Variants in MAP3K2 observed in about 807,000 individuals in gnomAD.
The protein encoded by MAP3K2 is mitogen-activated protein kinase kinase kinase 2, also known as MAP/ERK kinase kinase 2.
MAP3K2 carries 24 observed loss-of-function variants against 80.3 expected under a neutral mutation model. The ratio of observed to expected loss-of-function variants is 0.30; its 90% CI spans 0.22 to 0.42. The LOEUF is 0.42. Among genes scored for constraint, MAP3K2 ranks in the 10% least tolerant of loss-of-function variants. MAP3K2 has a pLI of 1.00. For synonymous variants in MAP3K2, 244 were observed against 253.7 expected (o/e 0.96, Z 0.36); for missense variants, 608 against 750.1 (o/e 0.81, Z 2.21).
intron 1 of MAP3K2, among the ~76,000 whole-genome samples, chr2:127,385,285 T>G (rs929064331): frequency 2.6e-5 from 4 of 152,294 alleles, no homozygotes. Context: ...CAACCATCCT[T>G]ACTAGTCAGC....
At chr2:127,335,770 T>C in intron 5 of MAP3K2, 100 bp downstream of exon 5, 1 of 600,516 alleles carries the variant, frequency 1.7e-6, no homozygotes, top group Non-Finnish European at 2.9e-6. Context: ...CATATATTTA[T>C]CAATCCCTAA....
Position 127,325,431 on chromosome 2 carries a change from C to T in MAP3K2, c.677+297G>A, listed in dbSNP as rs373299949. On this transcript the variant is annotated intron_variant, in intron 9 of 16. Transcript: ENST00000682094. ...TGGTGGCTCATGTGTGTAATCCCAG[C>T]GCTTTAGGAGACCAAGGCAGGAGGT... is the stretch of plus-strand genomic sequence containing the variant. Among the ~76,000 whole-genome samples the T allele has an allele frequency of 2.1e-4, 32 of 152,140 alleles. 1 individual carries two copies. The highest frequency in any genetic ancestry group is 7.5e-4 in the African/African-American group (31 of 41,422).
chr2:127,343,256 A>C lies in MAP3K2; in HGVS notation c.-65-62T>G, dbSNP rs556923417. The C allele has an allele frequency of 7.9e-4, 465 of 587,364 alleles. 3 individuals carry two copies. Among genetic ancestry groups the C allele is most frequent in the African/African-American group, 7.7e-3 (406 of 52,412 alleles). The allele number at this position is 587,364 out of a possible 1,614,324, so 36.4% of individuals were successfully genotyped here. A position where few individuals can be genotyped will look rare whatever the true frequency, so the allele number is the denominator to read the frequency against. On this transcript the variant is annotated intron_variant, in intron 1 of 16. Transcript: ENST00000682094. ...GAAACAGAAAAGGAGCCAGGAAAAG[A>C]AAAAAAAAAGTCAGTTTAAATAATA...
intron 4 of MAP3K2, among the ~76,000 whole-genome samples, chr2:127,336,417 T>C (rs1223217408): frequency 6.6e-6 from 1 of 152,340 alleles, no homozygotes; most frequent in Non-Finnish European, 1.5e-5. Flanking sequence ...ACATATATCA[T>C]GTAGGCATAC....
At chr2:127,329,522 A>G (rs3958415) in intron 7 of MAP3K2, among the ~76,000 whole-genome samples, 36,739 of 151,940 alleles carry the variant, frequency 0.24, 4,666 homozygotes, top group Middle Eastern at 0.3. Context: ...ACGCCCAGCT[A>G]ATTTTTGTAA....
chr2:127,331,708 T>C (rs1382570847), intron 5 of MAP3K2, among the ~76,000 whole-genome samples: 1 of 152,196 alleles, frequency 6.6e-6, no homozygotes, highest in Non-Finnish European at 1.5e-5. Flanking sequence ...TGGTTTCAAG[T>C]GATTCTCCTG....
intron 14 of MAP3K2, among the ~76,000 whole-genome samples, chr2:127,316,430 A>C (rs1685906500): frequency 6.6e-6 from 1 of 152,226 alleles, no homozygotes; most frequent in African/African-American, 2.4e-5. Flanking sequence ...TAAACATATT[A>C]ATCACCACCT....
At chr2:127,341,836 G>C (rs1234338423) in intron 2 of MAP3K2, among the ~76,000 whole-genome samples, 1 of 151,942 alleles carries the variant, frequency 6.6e-6, no homozygotes, top group Non-Finnish European at 1.5e-5. Context: ...CCGGCCCAAT[G>C]GGTTTCTGAC....
rs1436964733 is a variant in MAP3K2, at chr2:127,305,499, G to C, written c.*2080C>G. On this transcript the variant is annotated 3_prime_UTR_variant, in exon 17 of 17. Coordinates refer to ENST00000682094, the MANE Select transcript of MAP3K2 (RefSeq NM_001371910.2). ...AATTTCAAATATTCCTACAGGGAATGCTAGGTAGGACCTTGGCACAGTAAA... is the reference window on the plus strand; with the variant it reads ...AATTTCAAATATTCCTACAGGGAATCCTAGGTAGGACCTTGGCACAGTAAA... 6.6e-6 allele frequency: 1 copy of C among 152,066 alleles called. No homozygotes were observed. The highest frequency in any genetic ancestry group is 2.4e-5 in the African/African-American group (1 of 41,410). 9.4% of individuals were successfully genotyped at this position (152,066 alleles called of 1,614,324 possible).
At chr2:127,375,214 C>T (rs1006636916) in intron 1 of MAP3K2, among the ~76,000 whole-genome samples, 2 of 151,960 alleles carry the variant, frequency 1.3e-5, no homozygotes, top group African/African-American at 4.8e-5. Flanking sequence ...GGCTAGGACC[C>T]AACCCAGTAC....
chr2:127,357,958 A>T (rs954392202), intron 1 of MAP3K2, among the ~76,000 whole-genome samples: 7 of 152,222 alleles, frequency 4.6e-5, no homozygotes, highest in African/African-American at 7.2e-5. Context: ...ACATATCTTA[A>T]AAGAAAAAAA....
At position 127,305,261 on chromosome 2, in the gene MAP3K2, C is replaced by A. The variant is rs1685674704; in HGVS notation, c.*2318G>T. 1.3e-5 allele frequency: 2 copies of A among 152,458 alleles called. No individual in the cohort carries two copies. The highest frequency in any genetic ancestry group is 1.3e-4 in the Admixed American group (2 of 15,240). 9.4% of individuals were successfully genotyped at this position (152,458 alleles called of 1,614,324 possible). A position where few individuals can be genotyped will look rare whatever the true frequency, so the allele number is the denominator to read the frequency against. On this transcript the variant is annotated 3_prime_UTR_variant, in exon 17 of 17. Coordinates refer to ENST00000682094, the MANE Select transcript of MAP3K2 (RefSeq NM_001371910.2). Reference sequence around the variant, plus strand: ...ACTGGTCAAGGACCATGATCTTGCTCAAGTAGAAAAGATGCCCTCATTCAT... The same window carrying A: ...ACTGGTCAAGGACCATGATCTTGCTAAAGTAGAAAAGATGCCCTCATTCAT...
intron 1 of MAP3K2, among the ~76,000 whole-genome samples, chr2:127,344,486 A>C (rs372374663): frequency 1.8e-5 from 1 of 55,874 alleles, no homozygotes; most frequent in Non-Finnish European, 3.6e-5. Flanking sequence ...TCCCATTTCC[A>C]CCAAAAAAAA....
chr2:127,388,181 C>T (rs1418806871), upstream of MAP3K2: 1 of 984,860 alleles, frequency 1.0e-6, no homozygotes. Flanking sequence ...CCGCCCCGGC[C>T]TCGGCCCCGC....
rs376047529 is a variant in MAP3K2 at position 127,308,570 on chromosome 2, C to T, written c.1634+15G>A. On this transcript the variant is annotated intron_variant, in intron 16 of 16. Transcript: ENST00000682094. Reference sequence around the variant, plus strand: ...CGGCAGGTGGTTTTCAAGCAAACTTCGTATCAAAACCTACCAGATGTCTGC... The same window carrying T: ...CGGCAGGTGGTTTTCAAGCAAACTTTGTATCAAAACCTACCAGATGTCTGC... 53 of 1,530,168 alleles carry T rather than the reference C, an allele frequency of 3.5e-5. No individual in the cohort carries two copies. Among genetic ancestry groups the T allele is most frequent in the South Asian group, 7.6e-5 (6 of 78,668 alleles). The allele number at this position is 1,530,168 out of a possible 1,614,324, so 94.8% of individuals were successfully genotyped here. A position where few individuals can be genotyped will look rare whatever the true frequency, so the allele number is the denominator to read the frequency against.
chr2:127,319,069 T>C (rs1685962128), intron 12 of MAP3K2, among the ~76,000 whole-genome samples: 1 of 152,028 alleles, frequency 6.6e-6, no homozygotes, highest in Non-Finnish European at 1.5e-5. Flanking sequence ...CCCTTGGTGG[T>C]CAAGGCCTGG....
At chr2:127,338,294 G>A (rs1686410866) in intron 3 of MAP3K2, among the ~76,000 whole-genome samples, 2 of 152,162 alleles carry the variant, frequency 1.3e-5, no homozygotes, top group Non-Finnish European at 2.9e-5. Flanking sequence ...AACGTTGGCT[G>A]CAGAATGCTA....
At chr2:127,335,154 T>A (rs1558980191) in intron 5 of MAP3K2, among the ~76,000 whole-genome samples, 1 of 152,210 alleles carries the variant, frequency 6.6e-6, no homozygotes, top group African/African-American at 2.4e-5. Context: ...CTATAAGGTC[T>A]ATACTCCATG....
intron 11 of MAP3K2, among the ~76,000 whole-genome samples, chr2:127,323,366 A>G (rs1296962359): frequency 1.4e-4 from 19 of 139,272 alleles, no homozygotes; most frequent in South Asian, 2.3e-4. Flanking sequence ...GTCTCAGGGG[A>G]AAAAAAAAAA....
Sources: gnomAD v4.1 joint callset for allele counts (sites outside exome capture counted in the v4.1 genomes callset) on GRCh38, gnomAD v4.1.1 for gene constraint, MANE v1.5 for transcripts, NCBI Gene and HGNC (gene_info 2026-07-23, HGNC 2026-07-21) for gene names.